The following SPOCK3 variants were observed in gnomAD, a reference collection of about 807,000 sequenced individuals.
SPOCK3 encodes SPARC (osteonectin), cwcv and kazal like domains proteoglycan 3.
SPOCK3 carries 30 observed loss-of-function variants against 56.6 expected under a neutral mutation model. The observed-to-expected ratio is 0.53, with a 90% CI of 0.40 to 0.72. The LOEUF (loss-of-function observed/expected upper bound fraction) is 0.72, where lower values mean the gene tolerates loss of function less well. SPOCK3 is among the 30% of genes least tolerant of loss of function. The pLI is 0.00. For missense variants in SPOCK3, 527 were observed against 530.0 expected (o/e 0.99, Z 0.06); for synonymous variants, 196 against 183.3 (o/e 1.07, Z -0.56).
At chr4:166,942,948 T>C (rs1485302912) in intron 4 of SPOCK3, among the ~76,000 whole-genome samples, 3 of 152,176 alleles carry the variant, frequency 2.0e-5, no homozygotes, top group African/African-American at 7.2e-5. Context: ...TATTAGTTAG[T>C]TTGGGAGAAA....
intron 7 of SPOCK3, among the ~76,000 whole-genome samples, chr4:166,777,778 CA>C (rs1031636602): frequency 2.3e-4 from 35 of 152,036 alleles, no homozygotes; most frequent in African/African-American, 8.0e-4. Flanking sequence ...TTTCTTAGAC[CA>C]AAAAACCTGG....
chr4:166,843,301 C>T (rs764034802), intron 6 of SPOCK3, among the ~76,000 whole-genome samples: 9 of 152,342 alleles, frequency 5.9e-5, no homozygotes, highest in South Asian at 2.1e-4. Context: ...GCAGAGGAGG[C>T]GCTGAGAGCG....
At chr4:167,119,755 A>T (rs1031036465) in intron 2 of SPOCK3, 1 of 1,376,142 alleles carries the variant, frequency 7.3e-7, no homozygotes. Context: ...TCTGCTACCC[A>T]CTATTTCACG....
chr4:166,889,371 G>A (rs34636894), intron 5 of SPOCK3, 127 bp from the exon 6 acceptor site: 368 of 613,998 alleles, frequency 6.0e-4, no homozygotes, highest in Middle Eastern at 2.0e-3. Context: ...CAGGTAATAC[G>A]TCTCCAATAC....
chr4:167,110,489 TAGTATGAA>T (rs1760805543), intron 2 of SPOCK3, among the ~76,000 whole-genome samples: 3 of 152,044 alleles, frequency 2.0e-5, no homozygotes, highest in African/African-American at 7.2e-5. Context: ...CTGAACTTAT[TAGTATGAA>T]ATCCAGTGTC....
At position 166,987,550 on chromosome 4, in the gene SPOCK3, A is replaced by G. The variant is rs1393698085; in HGVS notation, c.350+12799T>C. ...CACCATAACCCAGGTGCCTATATGCATTACTGGCTCACAATAGATGATCAA... is the reference window on the plus strand; with the variant it reads ...CACCATAACCCAGGTGCCTATATGCGTTACTGGCTCACAATAGATGATCAA... On this transcript the variant is annotated intron_variant, in intron 4 of 10. Coordinates refer to ENST00000357545, the MANE Select transcript of SPOCK3 (RefSeq NM_001040159.2). 3.3e-5 allele frequency among the ~76,000 whole-genome samples: 5 copies of G among 152,324 alleles called. No individual in the cohort carries two copies. In the East Asian group the frequency reaches 9.6e-4, roughly 29 times the overall value.
At chr4:167,230,581 T>G (rs2111173367) in intron 2 of SPOCK3, among the ~76,000 whole-genome samples, 1 of 151,958 alleles carries the variant, frequency 6.6e-6, no homozygotes, top group African/African-American at 2.4e-5. Context: ...TCTTATTTTA[T>G]TTTATTTCAA....
At chr4:167,076,017 A>C (rs1299865871) in intron 2 of SPOCK3, among the ~76,000 whole-genome samples, 1 of 151,956 alleles carries the variant, frequency 6.6e-6, no homozygotes, top group African/African-American at 2.4e-5. Flanking sequence ...ATATATTTTA[A>C]TGTCATATTA....
intron 3 of SPOCK3, among the ~76,000 whole-genome samples, chr4:167,005,434 C>T (rs900083378): frequency 4.6e-5 from 7 of 151,850 alleles, no homozygotes; most frequent in African/African-American, 7.3e-5. Flanking sequence ...AGGATGGTCT[C>T]GATCCCCTGA....
At chr4:167,090,650 T>G (rs1316087117) in intron 2 of SPOCK3, among the ~76,000 whole-genome samples, 1 of 151,950 alleles carries the variant, frequency 6.6e-6, no homozygotes, top group African/African-American at 2.4e-5. Context: ...ATTACAGGCA[T>G]GCACCACCAT....
intron 2 of SPOCK3, among the ~76,000 whole-genome samples, chr4:167,156,879 A>C (rs1331700633): frequency 6.6e-6 from 1 of 152,170 alleles, no homozygotes; most frequent in Non-Finnish European, 1.5e-5. Flanking sequence ...ACAATTACTT[A>C]AACTGGAATT....
intron 2 of SPOCK3, among the ~76,000 whole-genome samples, chr4:167,183,582 G>T (rs1029681736): frequency 6.6e-5 from 10 of 152,056 alleles, no homozygotes; most frequent in Admixed American, 5.2e-4. Context: ...AACAAAATAG[G>T]AATAAAGAGA....
At chr4:167,198,405 C>T (rs1194504455) in intron 2 of SPOCK3, among the ~76,000 whole-genome samples, 1 of 152,048 alleles carries the variant, frequency 6.6e-6, no homozygotes, top group East Asian at 1.9e-4. Context: ...AGTGAACTCC[C>T]ACCTTGTTGA....
chr4:166,802,026 G>C (rs866490178), intron 6 of SPOCK3, among the ~76,000 whole-genome samples: 7 of 151,710 alleles, frequency 4.6e-5, no homozygotes, highest in Non-Finnish European at 1.0e-4. Context: ...ATATGTTTTC[G>C]ACACAGAGCC....
chr4:167,035,043 C>T (rs1752614143), intron 3 of SPOCK3, among the ~76,000 whole-genome samples: 1 of 152,046 alleles, frequency 6.6e-6, no homozygotes, highest in Non-Finnish European at 1.5e-5. Flanking sequence ...GGAACCTATT[C>T]AGTGTAGGTT....
chr4:167,018,380 T>G (rs926675151), intron 3 of SPOCK3, among the ~76,000 whole-genome samples: 2 of 152,088 alleles, frequency 1.3e-5, no homozygotes, highest in Admixed American at 1.3e-4. Flanking sequence ...ACTCTCCACC[T>G]GGGGTCCTAC....
intron 4 of SPOCK3, among the ~76,000 whole-genome samples, chr4:166,938,737 C>T (rs1000073110): frequency 7.9e-5 from 12 of 151,966 alleles, no homozygotes; most frequent in African/African-American, 2.9e-4. Context: ...ACATAACATA[C>T]TACCAGTCAC....
chr4:166,810,032 C>T (rs1385564557), intron 6 of SPOCK3, among the ~76,000 whole-genome samples: 7 of 152,052 alleles, frequency 4.6e-5, no homozygotes, highest in South Asian at 4.1e-4. Flanking sequence ...CATTCCTACC[C>T]GCTTCTCCAT....
At chr4:166,748,170 A>C (rs1735901333) in intron 8 of SPOCK3, among the ~76,000 whole-genome samples, 1 of 138,724 alleles carries the variant, frequency 7.2e-6, no homozygotes, top group Non-Finnish European at 1.5e-5. Flanking sequence ...AAGAGCCTGC[A>C]TTGCCAAGAC....
Sources: allele counts gnomAD v4.1 joint callset (sites outside exome capture counted in the v4.1 genomes callset), GRCh38; gene constraint gnomAD v4.1.1; transcripts MANE v1.5; gene names NCBI Gene and HGNC (gene_info 2026-07-23, HGNC 2026-07-21).